The following KAZN variants were observed in gnomAD, a reference collection of about 807,000 sequenced individuals.
The protein encoded by KAZN is kazrin, periplakin interacting protein.
In KAZN, 40 loss-of-function variants were observed where a neutral mutation model predicts 87.4. That is an observed-to-expected ratio of 0.46 (90% CI 0.36 to 0.60). The LOEUF is 0.60. KAZN is among the 20% of genes least tolerant of loss of function. The pLI, the probability that KAZN is intolerant of heterozygous loss-of-function variation, is 0.00. For missense variants in KAZN, 898 were observed against 1,073.9 expected, an observed-to-expected ratio of 0.84 and a Z score of 2.29; for synonymous variants, 466 against 458.3, an observed-to-expected ratio of 1.02 and a Z score of -0.22.
chr1:14,927,855 G>A (rs72871842), intron 1 of KAZN, among the ~76,000 whole-genome samples: 1,610 of 152,256 alleles, frequency 0.011, 28 homozygotes, highest in African/African-American at 0.037. Context: ...CATGAAACCC[G>A]CGGTTGAGGG....
chr1:13,940,857 A>G (rs1640902491), intron 1 of KAZN, among the ~76,000 whole-genome samples: 2 of 152,298 alleles, frequency 1.3e-5, no homozygotes, highest in African/African-American at 2.4e-5. Context: ...AATATGAATT[A>G]TATTTATACC....
At chr1:14,867,211 G>A (rs907189272) in intron 1 of KAZN, among the ~76,000 whole-genome samples, 5 of 152,198 alleles carry the variant, frequency 3.3e-5, no homozygotes, top group South Asian at 2.1e-4. Context: ...GAGGCCTCTC[G>A]GAGTCCTTTG....
chr1:14,931,651 C>T (rs961404306), intron 1 of KAZN, among the ~76,000 whole-genome samples: 1 of 152,120 alleles, frequency 6.6e-6, no homozygotes, highest in African/African-American at 2.4e-5. Flanking sequence ...AAGTACCCTG[C>T]GTAATTTTGG....
intron 2 of KAZN, among the ~76,000 whole-genome samples, chr1:14,480,888 C>A (rs1669044370): frequency 6.8e-6 from 1 of 146,932 alleles, no homozygotes; most frequent in Non-Finnish European, 1.5e-5. Flanking sequence ...TCGACCTACC[C>A]AACCTGAAAG....
At chr1:14,625,613 T>G (rs922083031) in intron 1 of KAZN, among the ~76,000 whole-genome samples, 2 of 152,202 alleles carry the variant, frequency 1.3e-5, no homozygotes, top group Non-Finnish European at 2.9e-5. Context: ...TTTGACAAGA[T>G]AGAGTTTTGA....
intron 2 of KAZN, among the ~76,000 whole-genome samples, chr1:14,435,460 G>C (rs546917875): frequency 6.6e-6 from 1 of 152,288 alleles, no homozygotes; most frequent in East Asian, 1.9e-4. Flanking sequence ...TGACACTAGG[G>C]GGCAGCTCAG....
chr1:14,595,278 G>C (rs1676421941), upstream of KAZN, among the ~76,000 whole-genome samples: 1 of 152,184 alleles, frequency 6.6e-6, no homozygotes, highest in Non-Finnish European at 1.5e-5. Context: ...CCGTGGTGCA[G>C]CCATTGTGGA....
At chr1:14,941,149 A>T (rs924878633) in intron 1 of KAZN, among the ~76,000 whole-genome samples, 3 of 151,392 alleles carry the variant, frequency 2.0e-5, no homozygotes, top group Non-Finnish European at 2.9e-5. Flanking sequence ...CAAACTCCTG[A>T]CTTCAGGTGA....
chr1:14,856,871 A>T lies in KAZN; in HGVS notation c.227-103813A>T, dbSNP rs1650179691. On this transcript the variant is annotated intron_variant, in intron 1 of 14. Transcript: ENST00000376030. This position sits in a 1 kb window ranked among gnomAD's most constrained non-coding sequence, Gnocchi z 5.2. ...TCATCCTTTGATGCTTCTCCTTGGG[A>T]GGTGTGTGAATTGGAGTTGCTTAAT... Among the ~76,000 whole-genome samples the T allele has an allele frequency of 6.6e-6, 1 of 152,136 alleles. No homozygotes were observed. The highest frequency in any genetic ancestry group is 2.4e-5 in the African/African-American group (1 of 41,428).
At chr1:14,564,785 C>T (rs926624684) in intron 2 of KAZN, among the ~76,000 whole-genome samples, 1 of 152,088 alleles carries the variant, frequency 6.6e-6, no homozygotes, top group Non-Finnish European at 1.5e-5. Context: ...TGCACTCCAG[C>T]CTGGGCAATA....
intron 1 of KAZN, among the ~76,000 whole-genome samples, chr1:14,016,458 G>A (rs1640577671): frequency 6.6e-6 from 1 of 152,158 alleles, no homozygotes. Context: ...GACTGAATCT[G>A]TGGGATTCAG....
At chr1:13,907,698 C>T (rs1248237995) in intron 1 of KAZN, among the ~76,000 whole-genome samples, 3 of 152,172 alleles carry the variant, frequency 2.0e-5, no homozygotes, top group Non-Finnish European at 4.4e-5. Context: ...TATGTGTACC[C>T]AGTTTCAAAA....
chr1:14,242,879 G>A (rs1049467046), intron 2 of KAZN, among the ~76,000 whole-genome samples: 8 of 152,000 alleles, frequency 5.3e-5, no homozygotes, highest in African/African-American at 1.4e-4. Context: ...CTCTCAAAAC[G>A]AATACAACAA....
At chr1:13,932,312 G>C (rs1640551216) in intron 1 of KAZN, among the ~76,000 whole-genome samples, 1 of 145,334 alleles carries the variant, frequency 6.9e-6, no homozygotes, top group African/African-American at 2.6e-5. Context: ...CCAGGCTGGA[G>C]TGCAGTGGCG....
At position 14,978,243 on chromosome 1, in the gene KAZN, T is replaced by A. The variant is rs114040565; in HGVS notation, c.418+17368T>A. 3.6e-3 allele frequency among the ~76,000 whole-genome samples: 550 copies of A among 152,244 alleles called. 1 individual carries two copies. Among genetic ancestry groups the A allele is most frequent in the African/African-American group, 0.013 (530 of 41,556 alleles). On this transcript the variant is annotated intron_variant, in intron 2 of 14. Transcript: ENST00000376030. Reference sequence around the variant, plus strand: ...TTCTTCAAGATCTTCATGGCTCAGATGGGTGAGCAACTTCAGCCCAGCCTT... The same window carrying A: ...TTCTTCAAGATCTTCATGGCTCAGAAGGGTGAGCAACTTCAGCCCAGCCTT...
intron 1 of KAZN, among the ~76,000 whole-genome samples, chr1:14,018,443 A>G (rs188246850): frequency 6.6e-6 from 1 of 152,282 alleles, no homozygotes; most frequent in Non-Finnish European, 1.5e-5. Flanking sequence ...CATGGTAGAA[A>G]AATATAACAG....
intron 1 of KAZN, among the ~76,000 whole-genome samples, chr1:14,850,859 A>G (rs1248570651): frequency 6.6e-6 from 1 of 152,178 alleles, no homozygotes; most frequent in East Asian, 1.9e-4. Context: ...CCTAAGCCCC[A>G]GACTCTGGAA....
At chr1:14,508,718 G>C (rs562768714) in intron 2 of KAZN, among the ~76,000 whole-genome samples, 3 of 152,196 alleles carry the variant, frequency 2.0e-5, no homozygotes, top group Non-Finnish European at 2.9e-5. Context: ...TTAAAGCCCA[G>C]TATAAGAGTA....
intron 1 of KAZN, among the ~76,000 whole-genome samples, chr1:14,636,688 C>A (rs977995040): frequency 6.6e-6 from 1 of 152,170 alleles, no homozygotes. Context: ...AAGTGAGAGA[C>A]GCTCGCTCCA....
Sources: allele counts gnomAD v4.1 joint callset (sites outside exome capture counted in the v4.1 genomes callset), GRCh38; gene constraint gnomAD v4.1.1; non-coding constraint Gnocchi (gnomAD v3.1); transcripts MANE v1.5; gene names NCBI Gene and HGNC (gene_info 2026-07-23, HGNC 2026-07-21).